Variants in SNTG2 observed in about 807,000 individuals in gnomAD.
SNTG2 encodes the protein gamma-2-syntrophin.
A neutral mutation model predicts 70.9 loss-of-function variants in SNTG2; 74 were observed. The observed-to-expected ratio is 1.04, with a 90% CI of 0.86 to 1.27. The LOEUF is 1.27. Ranked by LOEUF, SNTG2 falls within the 50% of genes most tolerant of loss-of-function variation. SNTG2 has a pLI of 0.00. For missense variants in SNTG2, 717 were observed against 690.7 expected (o/e 1.04, Z -0.43); for synonymous variants, 278 against 273.8 (o/e 1.02, Z -0.15).
chr2:1,221,995 G>A lies in SNTG2; in HGVS notation c.719+12765G>A, dbSNP rs1553361994. On this transcript the variant is annotated intron_variant, in intron 9 of 16. Coordinates refer to ENST00000308624, the MANE Select transcript of SNTG2 (RefSeq NM_018968.4). ...TCTGTCTCTGTCTCTCTCTGTCTCT[G>A]TCTCTGTCTCTCTCTGTCTCTCTCT... is the stretch of plus-strand genomic sequence containing the variant. Among the ~76,000 whole-genome samples, 14 of 2,120 alleles carry A rather than the reference G, an allele frequency of 6.6e-3. 3 individuals carry two copies. Among genetic ancestry groups the A allele is most frequent in the African/African-American group, 0.011 (13 of 1,234 alleles). 1.4% of individuals were successfully genotyped at this position (2,120 alleles called of 152,430 possible).
chr2:1,363,088 C>T lies in SNTG2; in HGVS notation c.1489-4255C>T, dbSNP rs527514983. Among the ~76,000 whole-genome samples, 29 of 151,796 alleles carry T rather than the reference C, an allele frequency of 1.9e-4. 1 individual carries two copies. Among genetic ancestry groups the T allele is most frequent in the Admixed American group, 1.4e-3 (22 of 15,222 alleles). ...ATAGAACTTCCATGAAAGTGACCGG[C>T]GCTGAGATGGAATGACTCCTGTGAA... On this transcript the variant is annotated intron_variant, in intron 16 of 16. Transcript: ENST00000308624.
intron 6 of SNTG2, among the ~76,000 whole-genome samples, chr2:1,138,998 G>T (rs982158998): frequency 6.6e-6 from 1 of 152,134 alleles, no homozygotes. Context: ...TGTAGTTATC[G>T]ACCTCTAATT....
chr2:1,126,530 A>G (rs1667707574), intron 4 of SNTG2, among the ~76,000 whole-genome samples: 1 of 152,182 alleles, frequency 6.6e-6, no homozygotes, highest in Non-Finnish European at 1.5e-5. Context: ...TGGTAGTTCT[A>G]TTTTTAGTTT....
At chr2:1,162,436 T>C (rs1365452169) in intron 6 of SNTG2, among the ~76,000 whole-genome samples, 2 of 152,174 alleles carry the variant, frequency 1.3e-5, no homozygotes, top group Non-Finnish European at 2.9e-5. Context: ...GTGAGCTTCA[T>C]GAATCTCAAA....
chr2:993,820 C>T (rs1661584992), intron 1 of SNTG2, among the ~76,000 whole-genome samples: 1 of 151,924 alleles, frequency 6.6e-6, no homozygotes, highest in Admixed American at 6.6e-5. Flanking sequence ...TGTATATTTT[C>T]TAATGTTTCC....
At chr2:1,296,553 A>G (rs571367837) in intron 14 of SNTG2, among the ~76,000 whole-genome samples, 1 of 152,316 alleles carries the variant, frequency 6.6e-6, no homozygotes, top group East Asian at 1.9e-4. Context: ...AGTCCCCCAC[A>G]GAGATAGAGG....
intron 8 of SNTG2, among the ~76,000 whole-genome samples, chr2:1,204,986 A>G (rs1371942736): frequency 6.6e-6 from 1 of 152,202 alleles, no homozygotes; most frequent in African/African-American, 2.4e-5. Flanking sequence ...AAAAATTATT[A>G]TGTGCAGTAT....
At chr2:1,162,113 T>C (rs1270656955) in intron 6 of SNTG2, among the ~76,000 whole-genome samples, 1 of 149,462 alleles carries the variant, frequency 6.7e-6, no homozygotes, top group Non-Finnish European at 1.5e-5. Context: ...TTCAGGCTAC[T>C]CTGCCTCTCT....
intron 1 of SNTG2, among the ~76,000 whole-genome samples, chr2:998,381 AAAC>A (rs571693931): frequency 1.1e-3 from 170 of 152,260 alleles, no homozygotes; most frequent in Non-Finnish European, 1.9e-3. Flanking sequence ...GAAAGTTGAA[AAAC>A]AACAGAAAGA....
In SNTG2 at chr2:1,083,556, C is replaced by T. The variant is rs373718524; in HGVS notation, c.111C>T (p.Ser37=). The change falls in exon 2 of 17, where the codon TCC becomes TCT. Residue 37 remains serine (S), a synonymous_variant. Coordinates refer to ENST00000308624, the MANE Select transcript of SNTG2 (RefSeq NM_018968.4). ...TTIALLYDEE[S]ENAYDIRLKL... is the part of the protein sequence containing the mutation. Reference sequence around the variant, plus strand: ...TTGCTCTGTTGTATGATGAAGAGTCCGAAAATGCCTATGACATCCGGCTGA... The same window carrying T: ...TTGCTCTGTTGTATGATGAAGAGTCTGAAAATGCCTATGACATCCGGCTGA... 34 of 1,613,532 alleles carry T rather than the reference C, an allele frequency of 2.1e-5. No individual in the cohort carries two copies. Among genetic ancestry groups the T allele is most frequent in the African/African-American group, 1.6e-4 (12 of 74,852 alleles).
At chr2:1,081,459 T>A (rs1291596353) in intron 1 of SNTG2, among the ~76,000 whole-genome samples, 1 of 152,236 alleles carries the variant, frequency 6.6e-6, no homozygotes, top group Admixed American at 6.5e-5. Flanking sequence ...GGGGAAATAC[T>A]GAGGAGGGTC....
chr2:1,190,394 A>G (rs947657011), intron 8 of SNTG2, among the ~76,000 whole-genome samples: 1 of 149,362 alleles, frequency 6.7e-6, no homozygotes, highest in African/African-American at 2.5e-5. Context: ...CTATTTCTCT[A>G]TTTTTCATTT....
Position 1,056,321 on chromosome 2 carries a change from C to T in SNTG2, c.73-27197C>T, listed in dbSNP as rs190008547. On this transcript the variant is annotated intron_variant, in intron 1 of 16. Transcript: ENST00000308624. The stretch of plus-strand genomic sequence containing the variant: ...GGAGGGAGGGAGGGAGAGGCCGCGC[C>T]GTGCTGTGGGGAGGGAGGGAGAGGG... Among the ~76,000 whole-genome samples the T allele has an allele frequency of 5.3e-4, 12 of 22,478 alleles. 1 individual carries two copies. The highest frequency in any genetic ancestry group is 2.2e-3 in the African/African-American group (9 of 4,108). The allele number at this position is 22,478 out of a possible 152,430, so 14.7% of individuals were successfully genotyped here.
At chr2:1,256,575 G>T (rs149569165) in intron 12 of SNTG2, 1 of 152,156 alleles carries the variant, frequency 6.6e-6, no homozygotes, top group East Asian at 1.9e-4. Context: ...TATAACTCGT[G>T]AAATAAAAAG....
chr2:1,253,192 C>G lies in SNTG2; in HGVS notation c.1005+5749C>G, dbSNP rs1214679375. On this transcript the variant is annotated intron_variant, in intron 12 of 16. Transcript: ENST00000308624. ...GAGAAGCACGTGGGGCCATGACTCT[C>G]GGAGCTCATATAGGATGCTCAGCAC... 1.3e-5 allele frequency among the ~76,000 whole-genome samples: 2 copies of G among 152,096 alleles called. 1 individual carries two copies. Among genetic ancestry groups the G allele is most frequent in the Admixed American group, 1.3e-4 (2 of 15,256 alleles).
intron 2 of SNTG2, among the ~76,000 whole-genome samples, chr2:1,084,858 G>A (rs547519112): frequency 2.0e-4 from 31 of 152,088 alleles, no homozygotes; most frequent in Non-Finnish European, 4.0e-4. Context: ...AGATCTCTCC[G>A]CCAAGCTTTC....
chr2:1,092,348 A>G (rs550916138), intron 2 of SNTG2, among the ~76,000 whole-genome samples: 60 of 151,980 alleles, frequency 3.9e-4, no homozygotes, highest in African/African-American at 1.4e-3. Context: ...GAGGAGTAAG[A>G]CCTCCAGGGA....
intron 8 of SNTG2, among the ~76,000 whole-genome samples, chr2:1,193,967 G>A (rs1450383345): frequency 3.3e-5 from 5 of 152,200 alleles, no homozygotes; most frequent in Admixed American, 6.5e-5. Context: ...TAGCTCTGTC[G>A]GACCTTCATC....
intron 9 of SNTG2, among the ~76,000 whole-genome samples, chr2:1,223,941 A>G (rs886676865): frequency 6.6e-6 from 1 of 151,764 alleles, no homozygotes; most frequent in Non-Finnish European, 1.5e-5. Flanking sequence ...CCAATTCCAC[A>G]GATGGGTGGC....
Sources: allele counts gnomAD v4.1 joint callset (sites outside exome capture counted in the v4.1 genomes callset), GRCh38; gene constraint gnomAD v4.1.1; transcripts MANE v1.5; gene names NCBI Gene and HGNC (gene_info 2026-07-23, HGNC 2026-07-21).